Variants in RIT2 observed in about 807,000 individuals in gnomAD.
RIT2 encodes the protein Ras like without CAAX 2, also known as GTP-binding protein Rit2.
Under a neutral mutation model 23.7 loss-of-function variants are expected in RIT2, and 24 were observed. That is an observed-to-expected ratio of 1.01 (90% CI 0.73 to 1.43). The LOEUF (loss-of-function observed/expected upper bound fraction) is 1.43. RIT2 is among the 40% of genes most tolerant of loss of function. The probability of loss-of-function intolerance (pLI) is 0.00; values close to 1 mark genes in which losing one functional copy is unlikely to be tolerated. For missense variants in RIT2, 236 were observed against 266.9 expected (o/e 0.88, Z 0.81); for synonymous variants, 107 against 91.1 (o/e 1.17, Z -0.99).
chr18:42,859,479 CA>C (rs1907270535), intron 4 of RIT2, among the ~76,000 whole-genome samples: 1 of 151,824 alleles, frequency 6.6e-6, no homozygotes, highest in Non-Finnish European at 1.5e-5. Context: ...GTGATTTTTC[CA>C]ATATTTTCTT....
chr18:42,933,872 G>A (rs1415096195), intron 3 of RIT2, among the ~76,000 whole-genome samples: 2 of 151,724 alleles, frequency 1.3e-5, no homozygotes, highest in East Asian at 3.9e-4. Flanking sequence ...ACAACAATTA[G>A]CTGGGCGTGG....
intron 2 of RIT2, among the ~76,000 whole-genome samples, chr18:43,026,611 A>AGAAG (rs1396221090): frequency 1.3e-5 from 2 of 150,252 alleles, no homozygotes; most frequent in Admixed American, 6.7e-5. Context: ...AAAGAAAGAA[A>AGAAG]GAAAGAAAGA....
chr18:42,754,834 C>T (rs929836540), intron 4 of RIT2, among the ~76,000 whole-genome samples: 16 of 152,166 alleles, frequency 1.1e-4, no homozygotes, highest in Admixed American at 2.6e-4. Context: ...ATAATGAGTT[C>T]ATAAAACTGA....
chr18:42,768,156 A>G (rs1488919639), intron 4 of RIT2, among the ~76,000 whole-genome samples: 1 of 152,168 alleles, frequency 6.6e-6, no homozygotes, highest in Non-Finnish European at 1.5e-5. Context: ...ACTTATCATT[A>G]TAGATTTATG....
chr18:42,928,141 C>A (rs1225464487), intron 3 of RIT2, among the ~76,000 whole-genome samples: 1 of 151,924 alleles, frequency 6.6e-6, no homozygotes, highest in African/African-American at 2.4e-5. Flanking sequence ...CACATTTGTT[C>A]TCCTTATGGA....
intron 4 of RIT2, among the ~76,000 whole-genome samples, chr18:42,744,151 C>T (rs1386024306): frequency 2.6e-5 from 4 of 152,102 alleles, no homozygotes; most frequent in Non-Finnish European, 5.9e-5. Flanking sequence ...TGTAATTTTC[C>T]TTTACCTACC....
At chr18:43,082,737 T>C (rs1015257964) in intron 1 of RIT2, among the ~76,000 whole-genome samples, 3 of 151,448 alleles carry the variant, frequency 2.0e-5, no homozygotes, top group South Asian at 2.1e-4. Context: ...TATCTCAAAA[T>C]AATAAGAGCT....
intron 1 of RIT2, among the ~76,000 whole-genome samples, chr18:43,046,871 AT>A (rs2144303264): frequency 6.6e-6 from 1 of 152,280 alleles, no homozygotes; most frequent in Non-Finnish European, 1.5e-5. Context: ...TTCAGTTTTA[AT>A]TTATAGTATG....
intron 4 of RIT2, among the ~76,000 whole-genome samples, chr18:42,813,256 T>C (rs16976955): frequency 0.017 from 2,528 of 152,270 alleles, 78 homozygotes; most frequent in African/African-American, 0.058. Context: ...ATAAACATCA[T>C]TGGTTGAATT....
chr18:43,095,438 A>C (rs2144366238), intron 1 of RIT2, among the ~76,000 whole-genome samples: 1 of 151,872 alleles, frequency 6.6e-6, no homozygotes, highest in Admixed American at 6.6e-5. Flanking sequence ...GATGCAGCAA[A>C]CCAACATGGC....
At chr18:43,013,870 G>T (rs1209228532) in intron 2 of RIT2, among the ~76,000 whole-genome samples, 1 of 151,616 alleles carries the variant, frequency 6.6e-6, no homozygotes, top group African/African-American at 2.4e-5. Flanking sequence ...AGGTCCTTTT[G>T]GTTTCTTTAT....
At chr18:42,912,722 C>A (rs1908803217) in intron 4 of RIT2, among the ~76,000 whole-genome samples, 1 of 151,826 alleles carries the variant, frequency 6.6e-6, no homozygotes, top group Non-Finnish European at 1.5e-5. Context: ...AATCTAACAG[C>A]TACAGTTTTT....
chr18:43,098,101 G>T (rs1913597598), intron 1 of RIT2, among the ~76,000 whole-genome samples: 1 of 151,868 alleles, frequency 6.6e-6, no homozygotes, highest in Non-Finnish European at 1.5e-5. Context: ...CACTTTCCAG[G>T]ATAAGCTCAA....
intron 2 of RIT2, among the ~76,000 whole-genome samples, chr18:43,022,687 A>G (rs556183159): frequency 5.3e-4 from 80 of 152,164 alleles, no homozygotes; most frequent in Admixed American, 1.8e-3. Context: ...TGTAATCTCT[A>G]TGAGGGCAGG....
chr18:43,028,969 T>C (rs1416955677), intron 2 of RIT2, among the ~76,000 whole-genome samples: 1 of 152,054 alleles, frequency 6.6e-6, no homozygotes, highest in Non-Finnish European at 1.5e-5. Context: ...TATTGAGAAA[T>C]GTATACTTAA....
At chr18:42,981,036 C>G (rs1910586646) in intron 2 of RIT2, among the ~76,000 whole-genome samples, 1 of 152,084 alleles carries the variant, frequency 6.6e-6, no homozygotes, top group Non-Finnish European at 1.5e-5. Context: ...AAACCTAATT[C>G]CCTGGCTGTC....
At chr18:42,814,535 C>T (rs953364414) in intron 4 of RIT2, among the ~76,000 whole-genome samples, 1 of 152,118 alleles carries the variant, frequency 6.6e-6, no homozygotes, top group Non-Finnish European at 1.5e-5. Context: ...GGGAACCTCA[C>T]CCCCATCCCC....
At chr18:42,775,988 G>T (rs1187345170) in intron 4 of RIT2, among the ~76,000 whole-genome samples, 1 of 152,124 alleles carries the variant, frequency 6.6e-6, no homozygotes, top group African/African-American at 2.4e-5. Flanking sequence ...ATAAATTGAT[G>T]TGATGAGATC....
chr18:42,769,847 A>G (rs1249320919), intron 4 of RIT2, among the ~76,000 whole-genome samples: 1 of 68,776 alleles, frequency 1.5e-5, no homozygotes, highest in Non-Finnish European at 2.7e-5. Flanking sequence ...TTAAAGTATA[A>G]TAATAATAAT....
Sources: gnomAD v4.1 joint callset for allele counts (sites outside exome capture counted in the v4.1 genomes callset) on GRCh38, gnomAD v4.1.1 for gene constraint, MANE v1.5 for transcripts, NCBI Gene and HGNC (gene_info 2026-07-23, HGNC 2026-07-21) for gene names.